Variants in CNTN1 observed in about 807,000 individuals in gnomAD.
CNTN1 encodes contactin 1, also known as contactin-1.
A neutral mutation model predicts 126.4 loss-of-function variants in CNTN1; 38 were observed. The observed-to-expected ratio is 0.30, with a 90% confidence interval of 0.23 to 0.39. The LOEUF (loss-of-function observed/expected upper bound fraction) is 0.39, where lower values mean the gene tolerates loss of function less well. CNTN1 is among the 10% of genes least tolerant of loss of function. The pLI is 1.00. For missense variants in CNTN1, 1,009 were observed against 1,248.4 expected, an observed-to-expected ratio of 0.81 and a Z score of 2.89; for synonymous variants, 413 against 422.6, an observed-to-expected ratio of 0.98 and a Z score of 0.28.
chr12:41,008,321 G>C (rs1948555002), intron 17 of CNTN1, among the ~76,000 whole-genome samples: 1 of 152,202 alleles, frequency 6.6e-6, no homozygotes, highest in Non-Finnish European at 1.5e-5. Context: ...TTTGTTACCT[G>C]TCAGTCATTT....
intron 1 of CNTN1, among the ~76,000 whole-genome samples, chr12:40,887,365 A>G (rs1215200354): frequency 6.6e-6 from 1 of 152,206 alleles, no homozygotes. Context: ...ATGTGAACAG[A>G]CACTTCTCAA....
chr12:40,889,937 C>G (rs946189828), intron 1 of CNTN1, among the ~76,000 whole-genome samples: 8 of 152,084 alleles, frequency 5.3e-5, no homozygotes, highest in Non-Finnish European at 1.0e-4. Context: ...ATTTGTGAAC[C>G]ACCGGTATTT....
chr12:40,963,479 G>A (rs1256055727), intron 15 of CNTN1, among the ~76,000 whole-genome samples: 1 of 151,822 alleles, frequency 6.6e-6, no homozygotes, highest in Non-Finnish European at 1.5e-5. Flanking sequence ...AAGGAATTTA[G>A]AACTTAAATC....
At chr12:40,914,375 A>G (rs780677073) in intron 3 of CNTN1, among the ~76,000 whole-genome samples, 2 of 152,198 alleles carry the variant, frequency 1.3e-5, no homozygotes, top group Admixed American at 6.5e-5. Flanking sequence ...CATATTCAAG[A>G]GGTTCATGCT....
At chr12:40,990,102 CTTACATAGATG>C (rs1566099123) in intron 16 of CNTN1, among the ~76,000 whole-genome samples, 1 of 151,968 alleles carries the variant, frequency 6.6e-6, no homozygotes, top group Non-Finnish European at 1.5e-5. Context: ...ATTCCTACTA[CTTACATAGATG>C]GTTTTATTGA....
At chr12:40,782,432 AC>A (rs1939840266) in intron 1 of CNTN1, among the ~76,000 whole-genome samples, 1 of 151,980 alleles carries the variant, frequency 6.6e-6, no homozygotes, top group African/African-American at 2.4e-5. Flanking sequence ...TTAAAATGCA[AC>A]TGATCTTCTA....
At chr12:40,923,750 AT>A (rs1277627116) in intron 5 of CNTN1, among the ~76,000 whole-genome samples, 3 of 152,184 alleles carry the variant, frequency 2.0e-5, no homozygotes, top group Non-Finnish European at 2.9e-5. Context: ...TAGGGATGGC[AT>A]TCAAGTAAGA....
intron 1 of CNTN1, among the ~76,000 whole-genome samples, chr12:40,899,506 A>T (rs1028286807): frequency 6.6e-6 from 1 of 152,234 alleles, no homozygotes; most frequent in African/African-American, 2.4e-5. Flanking sequence ...CACACAAAAT[A>T]TACCATAGAC....
At chr12:40,831,790 C>A (rs546162236) in intron 1 of CNTN1, among the ~76,000 whole-genome samples, 8 of 152,178 alleles carry the variant, frequency 5.3e-5, no homozygotes, top group Admixed American at 6.5e-5. Flanking sequence ...GCTAGGTACT[C>A]TGGTTTTGTA....
intron 1 of CNTN1, chr12:40,729,783 G>T: frequency 4.7e-6 from 1 of 211,822 alleles, no homozygotes. Flanking sequence ...CCAGAAGGTT[G>T]GACTGCAGTG....
chr12:40,843,178 C>T (rs905255234), intron 1 of CNTN1, among the ~76,000 whole-genome samples: 2 of 152,124 alleles, frequency 1.3e-5, no homozygotes, highest in African/African-American at 4.8e-5. Flanking sequence ...GCAGCACTTC[C>T]AATCCCCCTC....
chr12:40,836,128 A>C (rs61913941), intron 1 of CNTN1, among the ~76,000 whole-genome samples: 1 of 145,964 alleles, frequency 6.9e-6, no homozygotes, highest in South Asian at 2.1e-4. Context: ...ATATATACGT[A>C]CATATACAGG....
In CNTN1 at chr12:41,014,425, AT is replaced by A. The variant is rs371290762; in HGVS notation, c.2184+136del. The A allele has an allele frequency of 9.7e-4, 912 of 935,684 alleles. 9 individuals are homozygous for A. In the African/African-American group the frequency reaches 0.011, roughly 12 times the overall value. 58.0% of individuals were successfully genotyped at this position (935,684 alleles called of 1,614,324 possible). ...ACTGCACAAGCAAGAATATATTACT[AT>A]TTTTTTTTCTTAAATGCAAATCAGA... is the stretch of plus-strand genomic sequence containing the variant. On this transcript the variant is annotated intron_variant, in intron 18 of 23. Coordinates refer to ENST00000551295, the MANE Select transcript of CNTN1 (RefSeq NM_001843.4).
At chr12:40,972,707 A>AT (rs1470292527) in intron 15 of CNTN1, 1 of 944,414 alleles carries the variant, frequency 1.1e-6, no homozygotes, top group Non-Finnish European at 1.3e-6. Context: ...TAGACTAGAG[A>AT]TCCAGATTAA....
chr12:41,058,722 G>A (rs1358586220), intron 23 of CNTN1, among the ~76,000 whole-genome samples: 1 of 152,024 alleles, frequency 6.6e-6, no homozygotes, highest in Non-Finnish European at 1.5e-5. Flanking sequence ...ACAGAACCAA[G>A]GAAATTCTGT....
intron 19 of CNTN1, 123 bp downstream of exon 19, chr12:41,017,039 G>A: frequency 1.3e-6 from 1 of 756,022 alleles, no homozygotes; most frequent in Non-Finnish European, 2.3e-6. Flanking sequence ...TATGCATTTA[G>A]TAAATGAGTA....
chr12:40,707,304 A>G (rs893030074), intron 1 of CNTN1, among the ~76,000 whole-genome samples: 3 of 134,716 alleles, frequency 2.2e-5, no homozygotes, highest in African/African-American at 8.8e-5. Flanking sequence ...GCTGGAGTGC[A>G]GTGGTGCAAT....
intron 1 of CNTN1, among the ~76,000 whole-genome samples, chr12:40,863,072 T>G (rs1943170723): frequency 6.6e-6 from 1 of 152,194 alleles, no homozygotes; most frequent in Non-Finnish European, 1.5e-5. Context: ...GAGGAAGATG[T>G]TCATGAGAGC....
intron 15 of CNTN1, among the ~76,000 whole-genome samples, 197 bp downstream of exon 15, chr12:40,959,431 TTG>T (rs1947026188): frequency 6.6e-6 from 1 of 152,120 alleles, no homozygotes; most frequent in African/African-American, 2.4e-5. Flanking sequence ...CTGATTTTGT[TTG>T]TTTTACTAAC....
Sources: gnomAD v4.1 joint callset for allele counts (sites outside exome capture counted in the v4.1 genomes callset) on GRCh38, gnomAD v4.1.1 for gene constraint, MANE v1.5 for transcripts, NCBI Gene and HGNC (gene_info 2026-07-23, HGNC 2026-07-21) for gene names.